The following NF1 variants were observed in gnomAD, a reference collection of about 807,000 sequenced individuals.
NF1 encodes the protein neurofibromin.
A neutral mutation model predicts 325.7 loss-of-function variants in NF1; 122 were observed. The ratio of observed to expected loss-of-function variants is 0.37; its 90% confidence interval spans 0.32 to 0.44. NF1 has a LOEUF of 0.44. Ranked by LOEUF, NF1 falls within the 20% of genes least tolerant of loss-of-function variation. The pLI is 1.00. For missense variants in NF1, 2,140 were observed against 3,415.4 expected, an observed-to-expected ratio of 0.63 and a Z score of 9.31; for synonymous variants, 1,091 against 1,186.0, an observed-to-expected ratio of 0.92 and a Z score of 1.65.
intron 36 of NF1, among the ~76,000 whole-genome samples, chr17:31,319,400 TCTTA>T (rs1298206815): frequency 6.6e-6 from 1 of 152,044 alleles, no homozygotes; most frequent in Non-Finnish European, 1.5e-5. Flanking sequence ...TAAGGATCAT[TCTTA>T]CAGAAACTAC....
In NF1 at chr17:31,206,273, G is replaced by A. The variant is rs2143913984; in HGVS notation, c.1294G>A (p.Val432Met). The A allele has an allele frequency of 6.2e-7, 1 of 1,613,870 alleles. No homozygotes were observed. Among genetic ancestry groups the A allele is most frequent in the East Asian group, 2.2e-5 (1 of 44,874 alleles). Residue 432 changes from valine (V) to methionine (M), a missense_variant, in exon 12 of 58, where the codon GTG becomes ATG. Coordinates refer to ENST00000358273, the MANE Select transcript of NF1 (RefSeq NM_001042492.3). ...ALDWWPKIDA[V>M]YCHSVELRNM... The stretch of plus-strand genomic sequence containing the variant: ...GGATTGGTGGCCTAAGATTGATGCT[G>A]TGTATTGTCACTCGGTTGAACTTCG...
chr17:31,171,861 A>C (rs1172179562), intron 5 of NF1, among the ~76,000 whole-genome samples: 1 of 152,204 alleles, frequency 6.6e-6, no homozygotes, highest in Non-Finnish European at 1.5e-5. Context: ...AAAATTAATA[A>C]AATATGGAAT....
chr17:31,095,009 A>G lies in NF1; in HGVS notation c.-301A>G, dbSNP rs1055865194. 45 of 557,140 alleles carry G rather than the reference A, an allele frequency of 8.1e-5. No individual in the cohort carries two copies. The highest frequency in any genetic ancestry group is 1.3e-4 in the Non-Finnish European group (40 of 313,330). 34.5% of individuals were successfully genotyped at this position (557,140 alleles called of 1,614,324 possible). ...GTGGGGTGTCATGGCGGCGTCTCGG[A>G]CTGTGATGGCTGTGGGGAGACGGCG... On this transcript the variant is annotated 5_prime_UTR_variant, in exon 1 of 58. Transcript: ENST00000358273.
At chr17:31,260,315 A>G (rs1471667715) in intron 33 of NF1, 54 bp from the exon 34 acceptor site, 4 of 1,568,160 alleles carry the variant, frequency 2.6e-6, no homozygotes, top group Non-Finnish European at 3.5e-6. Flanking sequence ...TAATTCAAAC[A>G]TAAGTCTGGG....
chr17:31,129,063 AT>A (rs1238971801), intron 1 of NF1, among the ~76,000 whole-genome samples: 1 of 151,674 alleles, frequency 6.6e-6, no homozygotes, highest in Non-Finnish European at 1.5e-5. Context: ...CACCTTTAAC[AT>A]TTTTTTCTTT....
At chr17:31,339,415 G>C (rs1435157609) in intron 46 of NF1, among the ~76,000 whole-genome samples, 1 of 152,088 alleles carries the variant, frequency 6.6e-6, no homozygotes, top group Non-Finnish European at 1.5e-5. Flanking sequence ...TCATGTTTTT[G>C]TATTAATAAA....
At chr17:31,172,969 G>T (rs1299077209) in intron 5 of NF1, among the ~76,000 whole-genome samples, 3 of 152,072 alleles carry the variant, frequency 2.0e-5, no homozygotes, top group African/African-American at 7.2e-5. Context: ...TAAGGATGGG[G>T]ACCAGTTTGA....
intron 36 of NF1, among the ~76,000 whole-genome samples, chr17:31,313,792 C>A (rs996529336): frequency 6.7e-6 from 1 of 148,572 alleles, no homozygotes; most frequent in East Asian, 2.0e-4. Context: ...TTATACAAAC[C>A]TAGGTGAAAA....
At chr17:31,174,726 A>G (rs1379073333) in intron 5 of NF1, among the ~76,000 whole-genome samples, 1 of 152,198 alleles carries the variant, frequency 6.6e-6, no homozygotes, top group Non-Finnish European at 1.5e-5. Flanking sequence ...TACTCTGAAA[A>G]CATTAAGATT....
chr17:31,116,493 C>A (rs1056214285), intron 1 of NF1, among the ~76,000 whole-genome samples: 1 of 151,948 alleles, frequency 6.6e-6, no homozygotes, highest in Non-Finnish European at 1.5e-5. Flanking sequence ...AACCTACCTG[C>A]TTAAGGATAG....
At chr17:31,341,256 G>T (rs1411102295) in intron 47 of NF1, among the ~76,000 whole-genome samples, 1 of 152,014 alleles carries the variant, frequency 6.6e-6, no homozygotes, top group Non-Finnish European at 1.5e-5. Context: ...CAGGAGTGGT[G>T]GCTCATACCT....
At chr17:31,135,429 C>T (rs567606744) in intron 1 of NF1, among the ~76,000 whole-genome samples, 1 of 151,986 alleles carries the variant, frequency 6.6e-6, no homozygotes, top group Non-Finnish European at 1.5e-5. Flanking sequence ...TTATGTTTGT[C>T]TCTTATAAAC....
chr17:31,329,456 T>TG (rs2151543541), intron 38 of NF1, among the ~76,000 whole-genome samples: 1 of 152,360 alleles, frequency 6.6e-6, no homozygotes, highest in Non-Finnish European at 1.5e-5. Flanking sequence ...ATATGGTTGT[T>TG]GCATCAATAT....
intron 1 of NF1, among the ~76,000 whole-genome samples, chr17:31,148,058 A>G (rs549420945): frequency 3.3e-4 from 50 of 151,652 alleles, no homozygotes; most frequent in African/African-American, 1.2e-3. Context: ...ATTATAGCTC[A>G]CTCTTTTTGG....
chr17:31,166,425 G>A (rs1044667321), intron 4 of NF1, among the ~76,000 whole-genome samples: 1 of 152,076 alleles, frequency 6.6e-6, no homozygotes, highest in Non-Finnish European at 1.5e-5. Flanking sequence ...GTTATCTTTA[G>A]TGTGGCCTGT....
chr17:31,201,403 T>C lies in NF1; in HGVS notation c.1186-8T>C, dbSNP rs921012432. 3 of 1,607,866 alleles carry C rather than the reference T, an allele frequency of 1.9e-6. No homozygotes were observed. The highest frequency in any genetic ancestry group is 2.6e-6 in the Non-Finnish European group (3 of 1,176,240). On this transcript the variant is annotated splice_polypyrimidine_tract_variant and splice_region_variant and intron_variant, in intron 10 of 57. Coordinates refer to ENST00000358273, the MANE Select transcript of NF1 (RefSeq NM_001042492.3). ...AAATAATCTGCTTTTTTTTTTCTTT[T>C]TCTATAGATCTGCCTGGCTCAGAAT...
At chr17:31,162,846 G>A (rs2065785875) in intron 3 of NF1, among the ~76,000 whole-genome samples, 3 of 152,140 alleles carry the variant, frequency 2.0e-5, no homozygotes, top group African/African-American at 7.2e-5. Context: ...GAATTAAGTC[G>A]ATTCTGTAAT....
rs1232381356 is a variant in NF1, at chr17:31,363,808, T to G, written c.8377+3105T>G. Among the ~76,000 whole-genome samples, 4 of 151,000 alleles carry G rather than the reference T, an allele frequency of 2.6e-5. No homozygotes were observed. The East Asian group carries it at 7.8e-4, about 29-fold the overall frequency. On this transcript the variant is annotated intron_variant, in intron 57 of 57. Transcript: ENST00000358273. ...CAGGCTGGAGTGCAGTGGCGCAGTC[T>G]TGGCTCACTGCAACCTCTGCCTCCT...
At chr17:31,326,804 T>C (rs1402632672) in intron 37 of NF1, among the ~76,000 whole-genome samples, 1 of 152,202 alleles carries the variant, frequency 6.6e-6, no homozygotes, top group Non-Finnish European at 1.5e-5. Context: ...TCATTCAAAT[T>C]GTAGGAATGT....
Sources: allele counts gnomAD v4.1 joint callset (sites outside exome capture counted in the v4.1 genomes callset), GRCh38; gene constraint gnomAD v4.1.1; transcripts MANE v1.5; gene names NCBI Gene and HGNC (gene_info 2026-07-23, HGNC 2026-07-21).